MED13L: variants seen among roughly 807,000 people sequenced by gnomAD.
MED13L encodes the protein mediator complex subunit 13L.
MED13L carries 7 observed loss-of-function variants against 220.9 expected under a neutral mutation model. The observed-to-expected ratio is 0.03, with a 90% CI of 0.02 to 0.06. MED13L has a LOEUF of 0.06. Ranked by LOEUF, MED13L falls within the 10% of genes least tolerant of loss-of-function variation. MED13L has a pLI of 1.00. For missense variants in MED13L, 1,965 were observed against 2,760.5 expected, an observed-to-expected ratio of 0.71 and a Z score of 6.46; for synonymous variants, 1,011 against 1,015.2, an observed-to-expected ratio of 1.00 and a Z score of 0.08.
intron 2 of MED13L, among the ~76,000 whole-genome samples, chr12:116,229,422 A>C (rs1436921185): frequency 6.6e-6 from 1 of 152,186 alleles, no homozygotes; most frequent in Non-Finnish European, 1.5e-5. Context: ...CTTACCAACA[A>C]ACTGAAAATT....
chr12:116,255,535 T>G lies in MED13L; in HGVS notation c.73-17830A>C, dbSNP rs184427829. 1.5e-3 allele frequency among the ~76,000 whole-genome samples: 230 copies of G among 152,296 alleles called. 1 individual carries two copies. Among genetic ancestry groups the G allele is most frequent in the African/African-American group, 4.9e-3 (203 of 41,566 alleles). On this transcript the variant is annotated intron_variant, in intron 1 of 30. Transcript: ENST00000281928. Reference sequence around the variant, plus strand: ...AAAGTAATACTTGACTTAATCAAAATTTAAAGCTTTTGTTATTCAAAGAAG... The same window carrying G: ...AAAGTAATACTTGACTTAATCAAAAGTTAAAGCTTTTGTTATTCAAAGAAG...
intron 4 of MED13L, among the ~76,000 whole-genome samples, chr12:116,084,468 C>T (rs1289036060): frequency 1.3e-5 from 2 of 152,066 alleles, no homozygotes; most frequent in African/African-American, 4.8e-5. Flanking sequence ...ATCATAATGT[C>T]TTGTTTCTTT....
intron 2 of MED13L, among the ~76,000 whole-genome samples, chr12:116,178,810 A>C (rs1398067218): frequency 6.6e-6 from 1 of 152,220 alleles, no homozygotes; most frequent in Non-Finnish European, 1.5e-5. Flanking sequence ...TCGCTTCTAA[A>C]ATATTGTGAC....
chr12:116,000,667 G>A (rs1035847057), intron 14 of MED13L, among the ~76,000 whole-genome samples: 3 of 152,122 alleles, frequency 2.0e-5, no homozygotes, highest in Non-Finnish European at 4.4e-5. Flanking sequence ...TTTCAAATGC[G>A]AAAATTTGTA....
intron 2 of MED13L, among the ~76,000 whole-genome samples, chr12:116,150,347 A>C (rs998030835): frequency 3.9e-5 from 6 of 152,214 alleles, no homozygotes; most frequent in Non-Finnish European, 8.8e-5. Flanking sequence ...CTCAAATTTT[A>C]TTACAACAAA....
chr12:116,218,551 G>T (rs1435995254), intron 2 of MED13L, among the ~76,000 whole-genome samples: 3 of 151,724 alleles, frequency 2.0e-5, no homozygotes, highest in Non-Finnish European at 4.4e-5. Flanking sequence ...TCAGGGAAAA[G>T]TTTTAACCAG....
intron 1 of MED13L, among the ~76,000 whole-genome samples, chr12:116,239,634 G>C (rs1344754680): frequency 1.3e-5 from 2 of 151,976 alleles, no homozygotes; most frequent in Non-Finnish European, 2.9e-5. Flanking sequence ...ACTATAATTG[G>C]TTAACATCCT....
At chr12:116,244,824 T>C (rs1463104518) in intron 1 of MED13L, among the ~76,000 whole-genome samples, 2 of 152,112 alleles carry the variant, frequency 1.3e-5, no homozygotes, top group Non-Finnish European at 2.9e-5. Flanking sequence ...TGGCGCTGCT[T>C]GCCTGTAGTC....
chr12:116,078,048 G>A (rs983769828), intron 4 of MED13L, among the ~76,000 whole-genome samples: 1 of 150,224 alleles, frequency 6.7e-6, no homozygotes, highest in Non-Finnish European at 1.5e-5. Flanking sequence ...GGAGGCTGAG[G>A]CACAAGAATT....
At chr12:116,033,283 A>T (rs920141300) in intron 4 of MED13L, among the ~76,000 whole-genome samples, 29 of 152,312 alleles carry the variant, frequency 1.9e-4, no homozygotes, top group African/African-American at 6.5e-4. Context: ...ACCTGGGCTT[A>T]TACCTGAAAT....
At chr12:116,238,924 G>A (rs1273045983) in intron 1 of MED13L, among the ~76,000 whole-genome samples, 7 of 152,082 alleles carry the variant, frequency 4.6e-5, no homozygotes, top group East Asian at 1.9e-4. Context: ...CTGAAACCCC[G>A]TCTCCACTAA....
chr12:116,061,763 T>G (rs1869508179), intron 4 of MED13L, among the ~76,000 whole-genome samples: 1 of 151,994 alleles, frequency 6.6e-6, no homozygotes, highest in African/African-American at 2.4e-5. Flanking sequence ...ATCTCAGCAC[T>G]TTGGGAGGCC....
At chr12:116,028,538 T>C (rs1480852184) in intron 4 of MED13L, among the ~76,000 whole-genome samples, 3 of 152,134 alleles carry the variant, frequency 2.0e-5, no homozygotes, top group African/African-American at 7.2e-5. Flanking sequence ...TAGTGTTTAG[T>C]ACATCCAAGA....
At chr12:116,229,676 ATTC>A (rs530581489) in intron 2 of MED13L, among the ~76,000 whole-genome samples, 29 of 152,182 alleles carry the variant, frequency 1.9e-4, no homozygotes, top group Non-Finnish European at 3.5e-4. Flanking sequence ...ATCTTTTTCA[ATTC>A]TTCATCTGAA....
At chr12:116,274,201 G>A (rs1293446590) in intron 1 of MED13L, among the ~76,000 whole-genome samples, 6 of 152,008 alleles carry the variant, frequency 3.9e-5, no homozygotes, top group African/African-American at 9.7e-5. Context: ...ATTTGATTCC[G>A]TGCAGTAAAA....
chr12:115,985,308 AGAAAT>A (rs1200860758), intron 19 of MED13L, among the ~76,000 whole-genome samples: 1 of 152,252 alleles, frequency 6.6e-6, no homozygotes, highest in African/African-American at 2.4e-5. Flanking sequence ...GACACTGTTC[AGAAAT>A]GAATGTATCC....
chr12:116,124,437 C>T (rs1875404654), intron 2 of MED13L, among the ~76,000 whole-genome samples: 1 of 152,120 alleles, frequency 6.6e-6, no homozygotes, highest in Admixed American at 6.5e-5. Context: ...CCACTTCTTT[C>T]ACTATAGGAC....
chr12:116,247,414 GTTAAA>G (rs1871191898), intron 1 of MED13L, among the ~76,000 whole-genome samples: 1 of 152,202 alleles, frequency 6.6e-6, no homozygotes, highest in East Asian at 1.9e-4. Context: ...TTAACCATGT[GTTAAA>G]ATAACGTGTT....
intron 4 of MED13L, among the ~76,000 whole-genome samples, chr12:116,026,737 A>G (rs1412764685): frequency 6.6e-6 from 1 of 152,206 alleles, no homozygotes; most frequent in Non-Finnish European, 1.5e-5. Context: ...CAGCACTGAC[A>G]CTAGAAAGTT....
Sources: gnomAD v4.1 joint callset for allele counts (sites outside exome capture counted in the v4.1 genomes callset) on GRCh38, gnomAD v4.1.1 for gene constraint, MANE v1.5 for transcripts, NCBI Gene and HGNC (gene_info 2026-07-23, HGNC 2026-07-21) for gene names.